SHANK2: variants seen among roughly 807,000 people sequenced by gnomAD.
SHANK2 encodes the protein SH3 and multiple ankyrin repeat domains 2.
Under a neutral mutation model 133.7 loss-of-function variants are expected in SHANK2, and 43 were observed. The observed-to-expected ratio is 0.32, with a 90% CI of 0.25 to 0.41. SHANK2 has a LOEUF of 0.41. Ranked by LOEUF, SHANK2 falls within the 10% of genes least tolerant of loss-of-function variation. The probability of loss-of-function intolerance (pLI) is 1.00; values close to 1 mark genes in which losing one functional copy is unlikely to be tolerated. For missense variants in SHANK2, 1,994 were observed against 2,235.8 expected (o/e 0.89, Z 2.18); for synonymous variants, 1,017 against 952.8 (o/e 1.07, Z -1.24).
rs949699695 is a variant in SHANK2 at position 70,820,217 on chromosome 11, A to C, written c.1493+147T>G. On this transcript the variant is annotated intron_variant, in intron 12 of 25. Transcript: ENST00000601538. ...GGAGACCGTGCCAGCAGGGACAGTG[A>C]GCAAAACTCAGGCATGAAAGTTTCC... 2.5e-5 allele frequency: 14 copies of C among 560,646 alleles called. No individual in the cohort carries two copies. In the Middle Eastern group the frequency reaches 1.3e-3, roughly 53 times the overall value. 34.7% of individuals were successfully genotyped at this position (560,646 alleles called of 1,614,324 possible).
intron 17 of SHANK2, among the ~76,000 whole-genome samples, chr11:70,622,920 T>C (rs552463040): frequency 1.6e-4 from 24 of 152,192 alleles, no homozygotes; most frequent in Non-Finnish European, 1.5e-4. Context: ...CTCACACCTG[T>C]AATCCCAGCA....
intron 14 of SHANK2, among the ~76,000 whole-genome samples, chr11:70,773,524 G>A (rs1947299628): frequency 1.3e-5 from 2 of 152,202 alleles, no homozygotes; most frequent in African/African-American, 4.8e-5. Context: ...ATACATTTAT[G>A]CTCAAAGGAC....
intron 17 of SHANK2, among the ~76,000 whole-genome samples, chr11:70,537,468 T>C (rs1178257010): frequency 2.0e-5 from 3 of 152,148 alleles, no homozygotes; most frequent in African/African-American, 7.2e-5. Context: ...CATGTGGAGA[T>C]GAAGTCAGAG....
At chr11:71,146,498 C>A (rs117918970) in intron 3 of SHANK2, among the ~76,000 whole-genome samples, 1,809 of 152,304 alleles carry the variant, frequency 0.012, 12 homozygotes, top group Non-Finnish European at 0.019. Flanking sequence ...ACAAAAGGGA[C>A]CCCCAGGCAT....
intron 17 of SHANK2, among the ~76,000 whole-genome samples, chr11:70,624,306 T>C (rs2060874159): frequency 6.6e-6 from 1 of 152,014 alleles, no homozygotes; most frequent in Admixed American, 6.5e-5. Context: ...GAGGTGGGAA[T>C]GGAGCAACGC....
At chr11:71,131,563 A>G (rs782463486) in intron 3 of SHANK2, among the ~76,000 whole-genome samples, 1 of 152,264 alleles carries the variant, frequency 6.6e-6, no homozygotes. Context: ...TGTCTCTGCT[A>G]TTGTCAAGGT....
intron 11 of SHANK2, among the ~76,000 whole-genome samples, chr11:70,829,457 C>T (rs906012228): frequency 6.6e-6 from 1 of 152,150 alleles, no homozygotes; most frequent in African/African-American, 2.4e-5. Context: ...GACAAGGCCC[C>T]GTCACCAGGA....
At chr11:70,655,401 A>G (rs982774409) in intron 17 of SHANK2, among the ~76,000 whole-genome samples, 5 of 152,160 alleles carry the variant, frequency 3.3e-5, no homozygotes, top group Non-Finnish European at 7.4e-5. Context: ...CTCACCAGCT[A>G]CATGGCCATG....
chr11:70,931,744 C>A (rs953739579), intron 10 of SHANK2, among the ~76,000 whole-genome samples: 4 of 152,308 alleles, frequency 2.6e-5, no homozygotes, highest in Admixed American at 2.6e-4. Flanking sequence ...GGTGCTGGCG[C>A]CAAGCGTCTA....
chr11:71,099,790 T>A (rs1555096311), intron 6 of SHANK2, among the ~76,000 whole-genome samples: 1 of 152,176 alleles, frequency 6.6e-6, no homozygotes, highest in Non-Finnish European at 1.5e-5. Flanking sequence ...CAGTGGCTCA[T>A]GTCTGCAATT....
chr11:70,903,264 C>T (rs1811498347), intron 10 of SHANK2, among the ~76,000 whole-genome samples: 1 of 152,008 alleles, frequency 6.6e-6, no homozygotes, highest in African/African-American at 2.4e-5. Flanking sequence ...GTAATCCCAG[C>T]TACTCGGGAG....
intron 14 of SHANK2, among the ~76,000 whole-genome samples, chr11:70,716,502 T>G: frequency 6.6e-6 from 1 of 152,182 alleles, no homozygotes; most frequent in East Asian, 1.9e-4. Flanking sequence ...ATTGCTCGGG[T>G]TTCGGTGCTG....
chr11:71,208,994 T>C (rs1349409282), intron 2 of SHANK2, among the ~76,000 whole-genome samples: 1 of 152,194 alleles, frequency 6.6e-6, no homozygotes, highest in African/African-American at 2.4e-5. Flanking sequence ...CGTCAGCCAC[T>C]GTTCCTCACC....
chr11:71,170,355 A>G (rs117951438), intron 2 of SHANK2, among the ~76,000 whole-genome samples: 1 of 152,222 alleles, frequency 6.6e-6, no homozygotes, highest in Non-Finnish European at 1.5e-5. Context: ...TTTCTGGCAT[A>G]TATAATAATG....
At chr11:71,220,318 T>A (rs1591033055) in intron 2 of SHANK2, among the ~76,000 whole-genome samples, 2 of 152,284 alleles carry the variant, frequency 1.3e-5, no homozygotes, top group Admixed American at 1.3e-4. Context: ...CCTTTGAGCC[T>A]TGCTGGTGGG....
chr11:71,142,054 C>T (rs149002543), intron 3 of SHANK2, among the ~76,000 whole-genome samples: 56 of 151,444 alleles, frequency 3.7e-4, no homozygotes, highest in African/African-American at 1.1e-3. Context: ...AGACAGAAAA[C>T]CTACCAAACA....
chr11:70,745,304 T>C (rs1219494783), intron 14 of SHANK2, among the ~76,000 whole-genome samples: 2 of 152,198 alleles, frequency 1.3e-5, no homozygotes, highest in African/African-American at 4.8e-5. Flanking sequence ...AAGCTCGTGA[T>C]ACCCAGCCTC....
intron 14 of SHANK2, among the ~76,000 whole-genome samples, chr11:70,770,353 C>T (rs1372113752): frequency 1.3e-5 from 2 of 152,206 alleles, no homozygotes; most frequent in East Asian, 3.9e-4. Flanking sequence ...GGGGTCATGG[C>T]CATGGGCCTG....
At chr11:70,711,922 G>T (rs1007301142) in intron 14 of SHANK2, among the ~76,000 whole-genome samples, 16 of 152,194 alleles carry the variant, frequency 1.1e-4, no homozygotes, top group African/African-American at 3.9e-4. Flanking sequence ...CACGGACCTC[G>T]TGGGGATGGT....
Sources: gnomAD v4.1 joint callset for allele counts (sites outside exome capture counted in the v4.1 genomes callset) on GRCh38, gnomAD v4.1.1 for gene constraint, MANE v1.5 for transcripts, NCBI Gene and HGNC (gene_info 2026-07-23, HGNC 2026-07-21) for gene names.